Variants in SORCS3 observed in about 807,000 individuals in gnomAD.
The protein encoded by SORCS3 is VPS10 domain-containing receptor SorCS3.
SORCS3 carries 57 observed loss-of-function variants against 146.3 expected under a neutral mutation model. The observed-to-expected ratio is 0.39, with a 90% CI of 0.31 to 0.49. The LOEUF is 0.49. SORCS3 is among the 20% of genes least tolerant of loss of function. SORCS3 has a pLI of 0.92. For synonymous variants in SORCS3, 653 were observed against 618.5 expected, an observed-to-expected ratio of 1.06 and a Z score of -0.83; for missense variants, 1,341 against 1,575.5, an observed-to-expected ratio of 0.85 and a Z score of 2.52.
chr10:105,072,901 A>G (rs185328831), intron 5 of SORCS3, among the ~76,000 whole-genome samples: 16 of 152,224 alleles, frequency 1.1e-4, no homozygotes, highest in Middle Eastern at 3.4e-3. Context: ...TCCTAAGCCT[A>G]TGCTAAGGGT....
intron 2 of SORCS3, among the ~76,000 whole-genome samples, chr10:104,900,026 A>G (rs2018834878): frequency 1.3e-5 from 2 of 152,034 alleles, no homozygotes; most frequent in Admixed American, 6.6e-5. Context: ...ACAGGAAACC[A>G]CATCCTTGTT....
At chr10:105,091,319 CCTTCCTTCCTTG>C (rs1335386310) in intron 6 of SORCS3, among the ~76,000 whole-genome samples, 8 of 92,676 alleles carry the variant, frequency 8.6e-5, no homozygotes. Context: ...TTCCTTCCCT[CCTTCCTTCCTTG>C]CTTCCTTCCT....
At chr10:104,757,777 G>A (rs1393445574) in intron 1 of SORCS3, among the ~76,000 whole-genome samples, 1 of 151,942 alleles carries the variant, frequency 6.6e-6, no homozygotes. Flanking sequence ...ATTAAATGGA[G>A]GTGTTTTCAT....
intron 3 of SORCS3, among the ~76,000 whole-genome samples, chr10:104,962,496 T>C (rs2054801932): frequency 1.3e-5 from 2 of 152,126 alleles, no homozygotes; most frequent in South Asian, 4.2e-4. Context: ...TCTTACTCCA[T>C]AGGGGAGGTC....
chr10:105,067,546 A>G (rs927665423), intron 5 of SORCS3, among the ~76,000 whole-genome samples: 1 of 152,056 alleles, frequency 6.6e-6, no homozygotes, highest in Non-Finnish European at 1.5e-5. Context: ...ATAAACCTCA[A>G]TTTTTTCCTT....
At position 105,192,184 on chromosome 10, in the gene SORCS3, T is replaced by C. The variant is rs1436595239; in HGVS notation, c.2010-7815T>C. Among the ~76,000 whole-genome samples the C allele has an allele frequency of 2.6e-5, 4 of 152,160 alleles. No individual in the cohort carries two copies. In the East Asian group the frequency reaches 7.7e-4, roughly 29 times the overall value. On this transcript the variant is annotated intron_variant, in intron 14 of 26. Transcript: ENST00000369701. ...AACCGTGAGTTCTTTATGAATCATTTTGTTTCTTAAAGAGGAAATAAGGAT... is the reference window on the plus strand; with the variant it reads ...AACCGTGAGTTCTTTATGAATCATTCTGTTTCTTAAAGAGGAAATAAGGAT...
At chr10:104,978,602 C>T (rs1311290149) in intron 4 of SORCS3, among the ~76,000 whole-genome samples, 2 of 152,128 alleles carry the variant, frequency 1.3e-5, no homozygotes, top group Non-Finnish European at 2.9e-5. Flanking sequence ...CATCTGTGAT[C>T]AATCATGGGA....
intron 3 of SORCS3, among the ~76,000 whole-genome samples, chr10:104,945,802 A>G (rs1343132138): frequency 6.7e-6 from 1 of 150,002 alleles, no homozygotes; most frequent in Non-Finnish European, 1.5e-5. Flanking sequence ...TTTTTTTTTT[A>G]AACTGTGTTT....
At chr10:104,775,521 G>A (rs2017298449) in intron 1 of SORCS3, among the ~76,000 whole-genome samples, 1 of 152,198 alleles carries the variant, frequency 6.6e-6, no homozygotes, top group Non-Finnish European at 1.5e-5. Context: ...TGGTGCATAA[G>A]AGATGATATG....
At chr10:104,683,083 T>G (rs938695584) in intron 1 of SORCS3, among the ~76,000 whole-genome samples, 1 of 152,324 alleles carries the variant, frequency 6.6e-6, no homozygotes, top group Admixed American at 6.5e-5. Flanking sequence ...AAGCAGGCCC[T>G]AAATGTCCTA....
chr10:104,682,817 G>C (rs903055079), intron 1 of SORCS3, among the ~76,000 whole-genome samples: 1 of 152,220 alleles, frequency 6.6e-6, no homozygotes. Context: ...GAGGAAGGTT[G>C]GGATGGAGGG....
intron 20 of SORCS3, among the ~76,000 whole-genome samples, chr10:105,235,500 A>T (rs2056788428): frequency 6.7e-6 from 1 of 150,198 alleles, no homozygotes; most frequent in Non-Finnish European, 1.5e-5. Flanking sequence ...TTTTTTTTAA[A>T]CTCATAATGT....
At chr10:105,120,445 G>A (rs2055923980) in intron 7 of SORCS3, among the ~76,000 whole-genome samples, 2 of 152,100 alleles carry the variant, frequency 1.3e-5, no homozygotes, top group South Asian at 4.1e-4. Flanking sequence ...CTATGCAAAT[G>A]CCAATGACCC....
chr10:105,073,245 T>C (rs1446301083), intron 5 of SORCS3, among the ~76,000 whole-genome samples: 2 of 152,208 alleles, frequency 1.3e-5, no homozygotes, highest in African/African-American at 4.8e-5. Context: ...AGACTGGGCT[T>C]GTGACATGAG....
intron 3 of SORCS3, among the ~76,000 whole-genome samples, chr10:104,929,298 A>G (rs2019181761): frequency 6.6e-6 from 1 of 152,210 alleles, no homozygotes; most frequent in Non-Finnish European, 1.5e-5. Context: ...CACCAGTTAA[A>G]TGAGCCTCTC....
chr10:105,241,734 C>T (rs2056824763), intron 20 of SORCS3, among the ~76,000 whole-genome samples: 1 of 152,136 alleles, frequency 6.6e-6, no homozygotes, highest in Non-Finnish European at 1.5e-5. Flanking sequence ...GTCAGGCTGT[C>T]TCCTCCCAGA....
chr10:104,979,326 A>T (rs2054919801), intron 4 of SORCS3, among the ~76,000 whole-genome samples: 1 of 152,124 alleles, frequency 6.6e-6, no homozygotes, highest in East Asian at 1.9e-4. Context: ...ATTTTAGATG[A>T]TTTCCTCTTT....
At chr10:105,025,794 T>C (rs2055224388) in intron 4 of SORCS3, among the ~76,000 whole-genome samples, 1 of 150,786 alleles carries the variant, frequency 6.6e-6, no homozygotes, top group African/African-American at 2.5e-5. Flanking sequence ...AAGTATTGGG[T>C]GAATATCCGA....
At chr10:105,234,838 T>C (rs1206744698) in intron 20 of SORCS3, among the ~76,000 whole-genome samples, 1 of 152,130 alleles carries the variant, frequency 6.6e-6, no homozygotes, top group African/African-American at 2.4e-5. Context: ...GCACTGGTCA[T>C]TGCAACATCC....
Sources: allele counts gnomAD v4.1 joint callset (sites outside exome capture counted in the v4.1 genomes callset), GRCh38; gene constraint gnomAD v4.1.1; transcripts MANE v1.5; gene names NCBI Gene and HGNC (gene_info 2026-07-23, HGNC 2026-07-21).